Variants in CNTNAP4 observed in about 807,000 individuals in gnomAD.
CNTNAP4 encodes contactin-associated protein-like 4.
Under a neutral mutation model 148.4 loss-of-function variants are expected in CNTNAP4, and 98 were observed. That is an observed-to-expected ratio of 0.66 (90% CI 0.56 to 0.78). The LOEUF (loss-of-function observed/expected upper bound fraction) is 0.78. CNTNAP4 is among the 30% of genes least tolerant of loss of function. The probability of loss-of-function intolerance (pLI) is 0.00; values close to 1 mark genes in which losing one functional copy is unlikely to be tolerated. For synonymous variants in CNTNAP4, 730 were observed against 565.1 expected (o/e 1.29, Z -4.14); for missense variants, 1,935 against 1,565.6 (o/e 1.24, Z -3.98).
At position 76,277,476 on chromosome 16, in the gene CNTNAP4, G is replaced by A. The variant is rs1243795602; in HGVS notation, c.-187G>A. 10 of 577,366 alleles carry A rather than the reference G, an allele frequency of 1.7e-5. No individual in the cohort carries two copies. The highest frequency in any genetic ancestry group is 2.8e-5 in the Non-Finnish European group (9 of 325,112). The allele number at this position is 577,366 out of a possible 1,614,324, so 35.8% of individuals were successfully genotyped here. A position where few individuals can be genotyped will look rare whatever the true frequency, so the allele number is the denominator to read the frequency against. On this transcript the variant is annotated 5_prime_UTR_variant, in exon 1 of 24. Transcript: ENST00000611870. ...AGAGAGACAGAGACGGGGAGAGAGA[G>A]AGGGAGAGAGAAGAGAGGGAGGAGG...
At chr16:76,339,054 C>A (rs573358629) in intron 2 of CNTNAP4, among the ~76,000 whole-genome samples, 2 of 152,164 alleles carry the variant, frequency 1.3e-5, no homozygotes, top group African/African-American at 4.8e-5. Flanking sequence ...ATAAGCCCTT[C>A]GACACAGTAG....
chr16:76,468,945 G>C (rs929793214), intron 10 of CNTNAP4, among the ~76,000 whole-genome samples: 1 of 152,076 alleles, frequency 6.6e-6, no homozygotes, highest in African/African-American at 2.4e-5. Context: ...CCTCTACCCT[G>C]TAGTAATGTT....
chr16:76,528,263 A>G (rs931576550), intron 17 of CNTNAP4, among the ~76,000 whole-genome samples: 1 of 152,076 alleles, frequency 6.6e-6, no homozygotes, highest in Non-Finnish European at 1.5e-5. Flanking sequence ...TGAGATTAAC[A>G]TTTTTTAAAA....
chr16:76,293,149 G>A (rs1959169455), intron 1 of CNTNAP4, among the ~76,000 whole-genome samples: 2 of 147,484 alleles, frequency 1.4e-5, no homozygotes, highest in Admixed American at 6.8e-5. Flanking sequence ...TTTCTTTTCC[G>A]GAGCCTCACT....
chr16:76,376,908 T>G (rs1386967688), intron 3 of CNTNAP4, among the ~76,000 whole-genome samples: 5 of 7,134 alleles, frequency 7.0e-4, no homozygotes, highest in African/African-American at 5.4e-3. Context: ...TAACAAGGTT[T>G]GTGTGTGTGT....
intron 14 of CNTNAP4, among the ~76,000 whole-genome samples, chr16:76,496,588 G>A (rs2082410358): frequency 6.6e-6 from 1 of 152,090 alleles, no homozygotes; most frequent in Non-Finnish European, 1.5e-5. Context: ...CAGATATAGA[G>A]ATAGGATTGA....
intron 1 of CNTNAP4, among the ~76,000 whole-genome samples, chr16:76,299,105 A>G (rs973473409): frequency 1.3e-5 from 2 of 152,218 alleles, no homozygotes; most frequent in Non-Finnish European, 2.9e-5. Context: ...CTTCATGTCT[A>G]AAACACCAAA....
chr16:76,341,499 G>A (rs953589215), intron 2 of CNTNAP4, among the ~76,000 whole-genome samples: 12 of 152,208 alleles, frequency 7.9e-5, no homozygotes, highest in Non-Finnish European at 1.3e-4. Context: ...CTTCTATACA[G>A]TATTACTGAA....
intron 3 of CNTNAP4, among the ~76,000 whole-genome samples, chr16:76,418,427 T>G (rs1185027669): frequency 1.3e-5 from 2 of 150,446 alleles, no homozygotes; most frequent in African/African-American, 4.9e-5. Flanking sequence ...CTTTAAGTTC[T>G]AGGGTACATG....
chr16:76,307,613 C>T (rs1209907271), intron 1 of CNTNAP4, among the ~76,000 whole-genome samples: 16 of 147,838 alleles, frequency 1.1e-4, no homozygotes, highest in Non-Finnish European at 1.6e-4. Context: ...GGTGACATGG[C>T]GTCACATATG....
At chr16:76,358,225 A>G (rs896218916) in intron 3 of CNTNAP4, among the ~76,000 whole-genome samples, 4 of 152,140 alleles carry the variant, frequency 2.6e-5, no homozygotes, top group African/African-American at 9.7e-5. Flanking sequence ...AATCCCAGCT[A>G]CTTGGGAGGC....
chr16:76,321,108 A>G (rs892114541), intron 2 of CNTNAP4, among the ~76,000 whole-genome samples: 5 of 152,106 alleles, frequency 3.3e-5, no homozygotes, highest in African/African-American at 1.2e-4. Flanking sequence ...ATATTTTTCC[A>G]TTTTCTATTT....
intron 2 of CNTNAP4, among the ~76,000 whole-genome samples, chr16:76,342,465 C>CTTTTTTTTTTTTTTTTTTTTTTTTTTT (rs397854943): frequency 2.2e-5 from 2 of 91,490 alleles, no homozygotes; most frequent in African/African-American, 5.1e-5. Context: ...TTGCTAATTT[C>CTTTTTTTTTTTTTTTTTTTTTTTTTTT]TTTTTTTTTT....
At chr16:76,285,818 G>GT (rs1314786720) in intron 1 of CNTNAP4, among the ~76,000 whole-genome samples, 1 of 151,704 alleles carries the variant, frequency 6.6e-6, no homozygotes, top group Non-Finnish European at 1.5e-5. Flanking sequence ...CTAGCAATTG[G>GT]TTGTAAGCCT....
intron 3 of CNTNAP4, among the ~76,000 whole-genome samples, chr16:76,409,472 T>C (rs1337297564): frequency 2.0e-5 from 3 of 151,992 alleles, no homozygotes; most frequent in Non-Finnish European, 4.4e-5. Flanking sequence ...CAATCTAAAC[T>C]GCGTTGAAAT....
intron 2 of CNTNAP4, among the ~76,000 whole-genome samples, chr16:76,319,712 A>G (rs920841055): frequency 1.6e-4 from 24 of 152,180 alleles, no homozygotes; most frequent in African/African-American, 5.8e-4. Flanking sequence ...AGATGGAAGC[A>G]GAGATTGGAG....
intron 3 of CNTNAP4, among the ~76,000 whole-genome samples, chr16:76,422,949 G>A (rs1435833472): frequency 6.6e-6 from 1 of 152,070 alleles, no homozygotes; most frequent in African/African-American, 2.4e-5. Flanking sequence ...GTATTAGGTG[G>A]GGCCTTTTGG....
rs1298079742 is a variant in CNTNAP4, at chr16:76,382,061, A to C, written c.390+26550A>C. The stretch of plus-strand genomic sequence containing the variant: ...GGGGGACAGAGCGAGACTCCGTCTC[A>C]AAAAAAAAAAAAAAAAAAAAAAAAA... On this transcript the variant is annotated intron_variant, in intron 3 of 23. Transcript: ENST00000611870. Among the ~76,000 whole-genome samples the C allele has an allele frequency of 1.1e-3, 36 of 32,494 alleles. No homozygotes were observed. In the Admixed American group the frequency reaches 0.012, roughly 11 times the overall value. 21.3% of individuals were successfully genotyped at this position (32,494 alleles called of 152,430 possible). A position where few individuals can be genotyped will look rare whatever the true frequency, so the allele number is the denominator to read the frequency against.
intron 3 of CNTNAP4, among the ~76,000 whole-genome samples, chr16:76,358,297 C>G (rs954323013): frequency 6.6e-6 from 1 of 152,140 alleles, no homozygotes; most frequent in Non-Finnish European, 1.5e-5. Context: ...GATTGCACCA[C>G]TGCACTCCAG....
Sources: allele counts gnomAD v4.1 joint callset (sites outside exome capture counted in the v4.1 genomes callset), GRCh38; gene constraint gnomAD v4.1.1; transcripts MANE v1.5; gene names NCBI Gene and HGNC (gene_info 2026-07-23, HGNC 2026-07-21).